Variants in SGMS1 observed in about 807,000 individuals in gnomAD.
SGMS1 encodes the protein sphingomyelin synthase 1, also known as phosphatidylcholine:ceramide cholinephosphotransferase 1.
Under a neutral mutation model 46.2 loss-of-function variants are expected in SGMS1, and 13 were observed. That is an observed-to-expected ratio of 0.28 (90% CI 0.18 to 0.45). SGMS1 has a LOEUF of 0.45. Among genes scored for constraint, SGMS1 ranks in the 20% least tolerant of loss-of-function variants. SGMS1 has a pLI of 1.00. For synonymous variants in SGMS1, 203 were observed against 187.8 expected (o/e 1.08, Z -0.66); for missense variants, 324 against 519.9 (o/e 0.62, Z 3.66).
chr10:50,408,719 A>T (rs530694570), intron 6 of SGMS1, among the ~76,000 whole-genome samples: 7 of 152,046 alleles, frequency 4.6e-5, no homozygotes, highest in African/African-American at 1.7e-4. Context: ...GCATGCCTGT[A>T]GTCCCAGCTA....
intron 3 of SGMS1, among the ~76,000 whole-genome samples, chr10:50,517,851 A>C (rs1025115722): frequency 1.3e-5 from 2 of 152,204 alleles, no homozygotes; most frequent in Non-Finnish European, 2.9e-5. Context: ...AATGAAAGCT[A>C]TGGACAATGG....
chr10:50,514,542 TC>T (rs1007861111), intron 3 of SGMS1, among the ~76,000 whole-genome samples: 2 of 152,132 alleles, frequency 1.3e-5, no homozygotes, highest in African/African-American at 4.8e-5. Context: ...CTTAATCACA[TC>T]TATAGTCTTT....
chr10:50,536,457 G>C (rs1265584460), intron 2 of SGMS1, among the ~76,000 whole-genome samples: 3 of 152,106 alleles, frequency 2.0e-5, no homozygotes, highest in African/African-American at 7.2e-5. Flanking sequence ...GAACTACCAG[G>C]AATATTTGGA....
intron 6 of SGMS1, among the ~76,000 whole-genome samples, chr10:50,406,937 C>T (rs192208928): frequency 1.1e-4 from 17 of 152,164 alleles, no homozygotes; most frequent in African/African-American, 1.9e-4. Flanking sequence ...GCAGGTCCTG[C>T]GCTCCTGGCC....
intron 2 of SGMS1, among the ~76,000 whole-genome samples, chr10:50,575,842 G>A (rs1260144896): frequency 6.6e-6 from 1 of 152,140 alleles, no homozygotes; most frequent in East Asian, 1.9e-4. Context: ...AATACCTTCT[G>A]AAAGGCTTTT....
chr10:50,505,804 A>G (rs911216319), intron 3 of SGMS1, among the ~76,000 whole-genome samples: 2 of 152,176 alleles, frequency 1.3e-5, no homozygotes, highest in African/African-American at 4.8e-5. Context: ...TCTCCCTAAC[A>G]GGGCCATCTG....
intron 2 of SGMS1, among the ~76,000 whole-genome samples, chr10:50,534,037 A>G (rs1374893458): frequency 1.3e-5 from 2 of 152,160 alleles, no homozygotes; most frequent in African/African-American, 4.8e-5. Context: ...AAAATAAGGA[A>G]AGTTAAAAAC....
At chr10:50,545,824 T>C (rs965857905) in intron 2 of SGMS1, among the ~76,000 whole-genome samples, 2 of 152,142 alleles carry the variant, frequency 1.3e-5, no homozygotes, top group Admixed American at 1.3e-4. Flanking sequence ...TGGATTTTTC[T>C]CTTGGGGTAT....
chr10:50,429,702 C>T (rs1588817530), intron 6 of SGMS1, among the ~76,000 whole-genome samples: 1 of 4,922 alleles, frequency 2.0e-4, no homozygotes. Flanking sequence ...CATACACACA[C>T]ACACACACAC....
At chr10:50,496,615 AGCTGCCTAATG>A (rs1156963834) in intron 3 of SGMS1, among the ~76,000 whole-genome samples, 4 of 152,196 alleles carry the variant, frequency 2.6e-5, no homozygotes, top group Non-Finnish European at 5.9e-5. Flanking sequence ...ACATGGCCAG[AGCTGCCTAATG>A]GCTCCCAGAT....
At chr10:50,421,196 A>G (rs1849250262) in intron 6 of SGMS1, among the ~76,000 whole-genome samples, 2 of 152,302 alleles carry the variant, frequency 1.3e-5, no homozygotes, top group Admixed American at 1.3e-4. Flanking sequence ...CATGACATTT[A>G]TAGGCACTCA....
At chr10:50,381,290 G>A (rs1589416182) in intron 6 of SGMS1, among the ~76,000 whole-genome samples, 2 of 148,150 alleles carry the variant, frequency 1.3e-5, no homozygotes, top group East Asian at 2.0e-4. Context: ...AGAAGAAGAA[G>A]AAAAAAAAAA....
rs555968922 is a variant in SGMS1 at position 50,510,906 on chromosome 10, C to T, written c.-498+8925G>A. Reference sequence around the variant, plus strand: ...AGATTTATATAACAATTTCCACAATCGGGATATAAATCTGTTCCATCAAAG... The same window carrying T: ...AGATTTATATAACAATTTCCACAATTGGGATATAAATCTGTTCCATCAAAG... On this transcript the variant is annotated intron_variant, in intron 3 of 10. Transcript: ENST00000361781. 1.3e-3 allele frequency among the ~76,000 whole-genome samples: 204 copies of T among 152,176 alleles called. 2 individuals are homozygous for T. Among genetic ancestry groups the T allele is most frequent in the African/African-American group, 4.8e-3 (199 of 41,528 alleles).
At chr10:50,581,200 A>G (rs971893116) in intron 2 of SGMS1, among the ~76,000 whole-genome samples, 2 of 152,204 alleles carry the variant, frequency 1.3e-5, no homozygotes, top group Non-Finnish European at 2.9e-5. Context: ...ATGGAACTGC[A>G]CATTCAGTGC....
chr10:50,548,205 A>C (rs1425419117), intron 2 of SGMS1, among the ~76,000 whole-genome samples: 1 of 152,192 alleles, frequency 6.6e-6, no homozygotes, highest in African/African-American at 2.4e-5. Flanking sequence ...AACTAGAAAA[A>C]ACTATTTTAA....
intron 1 of SGMS1, among the ~76,000 whole-genome samples, chr10:50,602,095 A>G (rs752631100): frequency 1.3e-5 from 2 of 152,208 alleles, no homozygotes; most frequent in Non-Finnish European, 1.5e-5. Flanking sequence ...TTCTCTGGAC[A>G]CTTTATTCTT....
At chr10:50,542,097 T>G (rs939779725) in intron 2 of SGMS1, among the ~76,000 whole-genome samples, 1 of 152,174 alleles carries the variant, frequency 6.6e-6, no homozygotes, top group Non-Finnish European at 1.5e-5. Flanking sequence ...CAGATTCTCA[T>G]GACACACAGC....
chr10:50,390,191 T>C (rs1848745581), intron 6 of SGMS1, among the ~76,000 whole-genome samples: 1 of 152,206 alleles, frequency 6.6e-6, no homozygotes, highest in Non-Finnish European at 1.5e-5. Context: ...GTACTACAAA[T>C]ACATGTAACG....
At chr10:50,355,947 G>C (rs572320601) in intron 6 of SGMS1, among the ~76,000 whole-genome samples, 37 of 152,048 alleles carry the variant, frequency 2.4e-4, no homozygotes, top group African/African-American at 8.2e-4. Flanking sequence ...GAGGTAAGGA[G>C]CATCTCTGAC....
Sources: allele counts gnomAD v4.1 joint callset (sites outside exome capture counted in the v4.1 genomes callset), GRCh38; gene constraint gnomAD v4.1.1; transcripts MANE v1.5; gene names NCBI Gene and HGNC (gene_info 2026-07-23, HGNC 2026-07-21).